Variants in TF observed in about 807,000 individuals in gnomAD.
TF encodes the protein serotransferrin.
A neutral mutation model predicts 82.4 loss-of-function variants in TF; 55 were observed. The observed-to-expected ratio is 0.67, with a 90% confidence interval of 0.54 to 0.84. TF has a LOEUF of 0.84. Among genes scored for constraint, TF ranks in the 40% least tolerant of loss-of-function variants. The pLI, the probability that TF is intolerant of heterozygous loss-of-function variation, is 0.00. For missense variants in TF, 737 were observed against 868.4 expected, an observed-to-expected ratio of 0.85 and a Z score of 1.90; for synonymous variants, 332 against 332.6, an observed-to-expected ratio of 1.00 and a Z score of 0.02.
At chr3:133,677,802 C>A in the TF span, among the ~76,000 whole-genome samples, 2 of 151,996 alleles carry the variant, frequency 1.3e-5, no homozygotes, top group Non-Finnish European at 2.9e-5. Context: ...TCCTATCTCA[C>A]CCTCCTCAGT....
chr3:133,677,772 C>T, the TF span, among the ~76,000 whole-genome samples: 2 of 152,074 alleles, frequency 1.3e-5, no homozygotes, highest in Non-Finnish European at 2.9e-5. Context: ...CAACCCCAAA[C>T]ACCTAGGCTC....
the TF span, among the ~76,000 whole-genome samples, chr3:133,710,593 C>G: frequency 6.6e-6 from 1 of 152,188 alleles, no homozygotes; most frequent in Non-Finnish European, 1.5e-5. Context: ...CATCCCCCTG[C>G]CAAAACTGCG....
chr3:133,714,356 A>G, the TF span, among the ~76,000 whole-genome samples: 7 of 152,196 alleles, frequency 4.6e-5, no homozygotes, highest in Admixed American at 2.6e-4. Flanking sequence ...GGCTCTAGAA[A>G]GTTCTCTTTT....
the TF span, among the ~76,000 whole-genome samples, chr3:133,740,822 T>C: frequency 6.6e-6 from 1 of 152,004 alleles, no homozygotes. Flanking sequence ...TAATTTAAAG[T>C]CTGGTACATA....
chr3:133,743,453 T>A (rs1050916225), upstream of TF, among the ~76,000 whole-genome samples: 9 of 151,854 alleles, frequency 5.9e-5, no homozygotes, highest in Non-Finnish European at 1.2e-4. Context: ...TGACCCCAGA[T>A]GAGCTCCTTG....
Position 133,780,397 on chromosome 3 carries a change from C to A in TF, c.*1777C>A, listed in dbSNP as rs1251684961. 2 of 152,014 alleles carry A rather than the reference C, an allele frequency of 1.3e-5. No individual in the cohort carries two copies. The highest frequency in any genetic ancestry group is 2.4e-5 in the African/African-American group (1 of 41,368). The allele number at this position is 152,014 out of a possible 1,614,324, so 9.4% of individuals were successfully genotyped here. ...TTCCTGGAAGTCTTAGACAACTGGG[C>A]TAAAACAAAAATATTCAACATCCAT... On this transcript the variant is annotated 3_prime_UTR_variant, in exon 17 of 17. Transcript: ENST00000402696.
At chr3:133,692,602 G>T in the TF span, among the ~76,000 whole-genome samples, 3 of 152,134 alleles carry the variant, frequency 2.0e-5, no homozygotes, top group Non-Finnish European at 2.9e-5. Flanking sequence ...CCTTGAAAAG[G>T]GATGGTGTTC....
At chr3:133,686,854 C>G in the TF span, among the ~76,000 whole-genome samples, 2 of 152,168 alleles carry the variant, frequency 1.3e-5, no homozygotes, top group Non-Finnish European at 2.9e-5. Context: ...GGTATATACC[C>G]AAAGGACTGT....
chr3:133,770,520 G>C lies in TF; in HGVS notation c.1635G>C (p.Glu545Asp). The C allele has an allele frequency of 6.2e-7, 1 of 1,614,098 alleles. No individual in the cohort carries two copies. Among genetic ancestry groups the C allele is most frequent in the East Asian group, 2.2e-5 (1 of 44,890 alleles). ...TGGACCTCTGCAGGTGTCTGGTTGAGAAGGGAGATGTGGCCTTTGTGAAAC... is the reference window on the plus strand; with the variant it reads ...TGGACCTCTGCAGGTGTCTGGTTGACAAGGGAGATGTGGCCTTTGTGAAAC... Reference protein sequence around the residue: ...GYTGAFRCLVEKGDVAFVKHQ... With the variant: ...GYTGAFRCLVDKGDVAFVKHQ... The change falls in exon 14 of 17, where the codon GAG becomes GAC. Residue 545 changes from glutamate (E) to aspartate (D), a missense_variant. Coordinates refer to ENST00000402696, the MANE Select transcript of TF (RefSeq NM_001063.4).
chr3:133,665,667 G>A, the TF span, among the ~76,000 whole-genome samples: 1 of 151,814 alleles, frequency 6.6e-6, no homozygotes, highest in Non-Finnish European at 1.5e-5. Flanking sequence ...AAAGGAGGCC[G>A]GGAGTGGTGG....
At chr3:133,689,776 TG>T in the TF span, among the ~76,000 whole-genome samples, 1 of 152,204 alleles carries the variant, frequency 6.6e-6, no homozygotes, top group Non-Finnish European at 1.5e-5. Flanking sequence ...ATGATATAGA[TG>T]CAAACTGTGA....
the TF span, among the ~76,000 whole-genome samples, chr3:133,733,734 C>A: frequency 0.023 from 3,542 of 152,234 alleles, 137 homozygotes; most frequent in African/African-American, 0.081. Flanking sequence ...CTCCGTTATT[C>A]CTCCATTCTG....
chr3:133,765,680 C>G (rs976858169), intron 11 of TF, among the ~76,000 whole-genome samples: 1 of 152,188 alleles, frequency 6.6e-6, no homozygotes, highest in Non-Finnish European at 1.5e-5. Context: ...ATTCTGTTTT[C>G]TGTTGGAAAC....
intron 14 of TF, chr3:133,774,731 A>T: frequency 1.0e-5 from 2 of 200,792 alleles, no homozygotes; most frequent in South Asian, 1.7e-4. Context: ...CGGTTAAAGA[A>T]ACAAAATTAA....
At chr3:133,674,048 G>A in the TF span, among the ~76,000 whole-genome samples, 5 of 152,136 alleles carry the variant, frequency 3.3e-5, no homozygotes, top group African/African-American at 1.2e-4. Flanking sequence ...CCATTCTCTC[G>A]ATGGAGACCC....
chr3:133,683,685 CA>C, the TF span, among the ~76,000 whole-genome samples: 3 of 152,304 alleles, frequency 2.0e-5, no homozygotes, highest in East Asian at 5.8e-4. Flanking sequence ...AATACAGGAG[CA>C]CCCAGATTCG....
At chr3:133,682,526 A>G in the TF span, among the ~76,000 whole-genome samples, 4 of 152,206 alleles carry the variant, frequency 2.6e-5, no homozygotes, top group African/African-American at 9.6e-5. Flanking sequence ...GACCTGATGG[A>G]GCTGAAAACC....
chr3:133,681,430 T>G, the TF span, among the ~76,000 whole-genome samples: 2 of 152,142 alleles, frequency 1.3e-5, no homozygotes, highest in African/African-American at 4.8e-5. Context: ...GTGCAAGGGG[T>G]TGGGGAATTC....
the TF span, chr3:133,699,355 A>G: frequency 3.0e-6 from 2 of 662,066 alleles, no homozygotes; most frequent in Non-Finnish European, 2.5e-6. Flanking sequence ...TTCAGGCCAC[A>G]TATTTGATGG....
Sources: gnomAD v4.1 joint callset for allele counts (sites outside exome capture counted in the v4.1 genomes callset) on GRCh38, gnomAD v4.1.1 for gene constraint, MANE v1.5 for transcripts, NCBI Gene and HGNC (gene_info 2026-07-23, HGNC 2026-07-21) for gene names.